The following PDE11A variants were observed in gnomAD, a reference collection of about 807,000 sequenced individuals.
PDE11A encodes dual 3',5'-cyclic-AMP and -GMP phosphodiesterase 11A.
In PDE11A, 100 loss-of-function variants were observed where a neutral mutation model predicts 100.5. The ratio of observed to expected loss-of-function variants is 1.00; its 90% CI spans 0.85 to 1.18. The LOEUF is 1.18. PDE11A is among the 50% of genes most tolerant of loss of function. PDE11A has a pLI of 0.00. For synonymous variants in PDE11A, 381 were observed against 420.8 expected (o/e 0.91, Z 1.16); for missense variants, 1,141 against 1,152.6 (o/e 0.99, Z 0.15).
intron 6 of PDE11A, 150 bp downstream of exon 6, chr2:177,840,101 A>T (rs2083465167): frequency 2.6e-6 from 2 of 767,614 alleles, no homozygotes; most frequent in Admixed American, 4.5e-5. Context: ...AGTTTTTCTA[A>T]CTTAGAGTCA....
At chr2:177,676,111 C>G (rs2080769011) in intron 16 of PDE11A, 1 of 173,896 alleles carries the variant, frequency 5.8e-6, no homozygotes, top group Non-Finnish European at 1.3e-5. Flanking sequence ...GAAACATACT[C>G]AGCTCCAGCT....
At chr2:177,689,915 C>A (rs2081017894) in intron 15 of PDE11A, among the ~76,000 whole-genome samples, 1 of 152,216 alleles carries the variant, frequency 6.6e-6, no homozygotes, top group African/African-American at 2.4e-5. Context: ...CGCACTCCAG[C>A]TGCTCCTGCA....
intron 15 of PDE11A, among the ~76,000 whole-genome samples, chr2:177,691,349 T>C (rs1045951251): frequency 2.6e-5 from 4 of 152,196 alleles, no homozygotes; most frequent in Non-Finnish European, 5.9e-5. Flanking sequence ...CGAGTATCAC[T>C]GACTTGGAGC....
intron 2 of PDE11A, among the ~76,000 whole-genome samples, chr2:177,916,927 A>ATTTTTTTTTTTTTT (rs1183483256): frequency 8.0e-4 from 84 of 105,296 alleles, no homozygotes; most frequent in African/African-American, 2.0e-3. Flanking sequence ...CGCCCGGCTA[A>ATTTTTTTTTTTTTT]TTTTTTTTTT....
At chr2:178,095,568 G>C (rs1171108381) in intron 2 of PDE11A, among the ~76,000 whole-genome samples, 1 of 152,204 alleles carries the variant, frequency 6.6e-6, no homozygotes, top group South Asian at 2.1e-4. Context: ...CTGGGGTCTG[G>C]AGAATGGTGG....
chr2:177,762,976 CG>C (rs1268521713), intron 10 of PDE11A, among the ~76,000 whole-genome samples: 1 of 152,182 alleles, frequency 6.6e-6, no homozygotes, highest in African/African-American at 2.4e-5. Flanking sequence ...CCCCGCCCTC[CG>C]CCACTATCTT....
intron 18 of PDE11A, among the ~76,000 whole-genome samples, chr2:177,669,259 C>T (rs1302666593): frequency 6.6e-6 from 1 of 152,152 alleles, no homozygotes; most frequent in Non-Finnish European, 1.5e-5. Flanking sequence ...TCCCTCGTGC[C>T]TACTTGTCCC....
intron 10 of PDE11A, among the ~76,000 whole-genome samples, chr2:177,759,391 C>T (rs560357690): frequency 3.9e-5 from 6 of 152,318 alleles, no homozygotes; most frequent in African/African-American, 1.4e-4. Flanking sequence ...AGCCCAGTCT[C>T]ACATTCTTCA....
intron 10 of PDE11A, among the ~76,000 whole-genome samples, chr2:177,757,081 G>C (rs1331364131): frequency 2.6e-5 from 4 of 152,176 alleles, no homozygotes; most frequent in Admixed American, 2.6e-4. Context: ...TGTGTGCAAT[G>C]TAGTTACCTG....
chr2:177,730,105 C>CT (rs1212365370), intron 10 of PDE11A, among the ~76,000 whole-genome samples: 3 of 152,076 alleles, frequency 2.0e-5, no homozygotes, highest in Non-Finnish European at 4.4e-5. Flanking sequence ...ACTTTAAGTT[C>CT]TAGGGTACAT....
At chr2:178,059,292 C>T (rs763658349) in intron 1 of PDE11A, among the ~76,000 whole-genome samples, 25 of 152,178 alleles carry the variant, frequency 1.6e-4, no homozygotes, top group Non-Finnish European at 1.3e-4. Context: ...AGTCAGTGTC[C>T]CTGGGTAGGG....
At chr2:178,009,412 G>A (rs1320433632) in intron 2 of PDE11A, among the ~76,000 whole-genome samples, 2 of 152,138 alleles carry the variant, frequency 1.3e-5, no homozygotes, top group African/African-American at 4.8e-5. Context: ...TAATTTGTCA[G>A]TATGGAACTT....
At chr2:177,842,914 C>T (rs948677186) in intron 5 of PDE11A, among the ~76,000 whole-genome samples, 12 of 152,098 alleles carry the variant, frequency 7.9e-5, no homozygotes, top group Non-Finnish European at 1.8e-4. Context: ...GTCCTCAGGA[C>T]TGAAAACTCT....
At chr2:177,767,331 CAA>C (rs202107574) in intron 10 of PDE11A, among the ~76,000 whole-genome samples, 2 of 143,752 alleles carry the variant, frequency 1.4e-5, no homozygotes, top group Non-Finnish European at 1.5e-5. Flanking sequence ...GACTCTGTCT[CAA>C]AAAAAAAAAG....
intron 2 of PDE11A, among the ~76,000 whole-genome samples, chr2:178,000,369 A>G (rs2086129657): frequency 6.6e-6 from 1 of 152,254 alleles, no homozygotes; most frequent in African/African-American, 2.4e-5. Flanking sequence ...AGCATATTCC[A>G]TAAATTTTGC....
chr2:177,988,265 A>G (rs1204349027), intron 2 of PDE11A, among the ~76,000 whole-genome samples: 2 of 152,204 alleles, frequency 1.3e-5, no homozygotes, highest in Non-Finnish European at 2.9e-5. Flanking sequence ...CAACACAAAT[A>G]AGAAACTCTT....
intron 15 of PDE11A, chr2:177,686,945 G>A (rs1009585177): frequency 6.6e-6 from 1 of 151,954 alleles, no homozygotes; most frequent in Non-Finnish European, 1.5e-5. Flanking sequence ...TTGAACTCCT[G>A]ACCTCAGGTA....
chr2:177,668,538 A>C (rs74715992), intron 18 of PDE11A, among the ~76,000 whole-genome samples: 8,064 of 152,266 alleles, frequency 0.053, 300 homozygotes, highest in East Asian at 0.18. Context: ...TCTTTTGTAC[A>C]TAAGCAACCA....
At chr2:177,808,241 T>C (rs1447825346) in intron 9 of PDE11A, among the ~76,000 whole-genome samples, 1 of 152,244 alleles carries the variant, frequency 6.6e-6, no homozygotes, top group African/African-American at 2.4e-5. Context: ...ATTCTGTATC[T>C]ACTGGTGTGC....
Sources: gnomAD v4.1 joint callset for allele counts (sites outside exome capture counted in the v4.1 genomes callset) on GRCh38, gnomAD v4.1.1 for gene constraint, MANE v1.5 for transcripts, NCBI Gene and HGNC (gene_info 2026-07-23, HGNC 2026-07-21) for gene names.